The following PHLDB2 variants were observed in gnomAD, a reference collection of about 807,000 sequenced individuals.
PHLDB2 encodes pleckstrin homology like domain family B member 2, also known as pleckstrin homology-like domain family B member 2.
A neutral mutation model predicts 123.6 loss-of-function variants in PHLDB2; 71 were observed. That is an observed-to-expected ratio of 0.57 (90% CI 0.47 to 0.70). PHLDB2 has a LOEUF of 0.70. Among genes scored for constraint, PHLDB2 ranks in the 30% least tolerant of loss-of-function variants. PHLDB2 has a pLI of 0.00. For synonymous variants in PHLDB2, 547 were observed against 541.6 expected (o/e 1.01, Z -0.14); for missense variants, 1,446 against 1,519.5 (o/e 0.95, Z 0.80).
chr3:111,824,734 C>A (rs2062569470), intron 1 of PHLDB2, among the ~76,000 whole-genome samples: 1 of 152,184 alleles, frequency 6.6e-6, no homozygotes, highest in Non-Finnish European at 1.5e-5. Context: ...TGTATAGTTA[C>A]ACGAGTCGAT....
rs117235192 is a variant in PHLDB2 at position 111,968,243 on chromosome 3, T to G, written c.3315+419T>G. On this transcript the variant is annotated intron_variant, in intron 15 of 17. Transcript: ENST00000431670. ...TGGAAGAGGTCCTACTAAGCCATCTTTTACAAGCAAACAGTCTAGAGCAGT... is the reference window on the plus strand; with the variant it reads ...TGGAAGAGGTCCTACTAAGCCATCTGTTACAAGCAAACAGTCTAGAGCAGT... 5.0e-3 allele frequency among the ~76,000 whole-genome samples: 763 copies of G among 152,294 alleles called. 16 individuals are homozygous for G. Among genetic ancestry groups the G allele is most frequent in the East Asian group, 0.028 (146 of 5,188 alleles).
At chr3:111,798,950 C>T (rs564629755) in intron 1 of PHLDB2, among the ~76,000 whole-genome samples, 1 of 152,268 alleles carries the variant, frequency 6.6e-6, no homozygotes, top group East Asian at 1.9e-4. Context: ...TTGATTGACT[C>T]ACAGTTCAGC....
At chr3:111,864,303 A>G (rs964533939) in intron 1 of PHLDB2, among the ~76,000 whole-genome samples, 3 of 152,314 alleles carry the variant, frequency 2.0e-5, no homozygotes, top group Middle Eastern at 3.4e-3. Context: ...TAAAAAAATA[A>G]CTGTTGGCTA....
At chr3:111,970,636 T>C (rs896440038) in intron 16 of PHLDB2, among the ~76,000 whole-genome samples, 1 of 152,202 alleles carries the variant, frequency 6.6e-6, no homozygotes, top group African/African-American at 2.4e-5. Flanking sequence ...GGAATATTAG[T>C]GTAACTGGCA....
chr3:111,837,935 C>G (rs551648905), intron 1 of PHLDB2, among the ~76,000 whole-genome samples: 1 of 151,958 alleles, frequency 6.6e-6, no homozygotes, highest in Non-Finnish European at 1.5e-5. Flanking sequence ...CTCAGCTACT[C>G]GGGAACTGCA....
rs1314606553 is a variant in PHLDB2 at position 111,843,054 on chromosome 3, A to G, written c.-48-2767A>G. ...TTTTGCTATTACAAATAACGACACC[A>G]TGAACATTTACATATGAGTTTTTGT... is the stretch of plus-strand genomic sequence containing the variant. On this transcript the variant is annotated intron_variant, in intron 1 of 17. Coordinates refer to the PHLDB2 transcript ENST00000393923. Among the ~76,000 whole-genome samples, 7 of 152,378 alleles carry G rather than the reference A, an allele frequency of 4.6e-5. No homozygotes were observed. The East Asian group carries it at 1.3e-3, about 29-fold the overall frequency.
chr3:111,960,727 A>G (rs2071354310), intron 12 of PHLDB2, among the ~76,000 whole-genome samples: 2 of 152,224 alleles, frequency 1.3e-5, no homozygotes, highest in South Asian at 4.1e-4. Flanking sequence ...AGGAAATTCA[A>G]ATGGTCCAGT....
chr3:111,902,267 A>G (rs2067246257), intron 2 of PHLDB2, among the ~76,000 whole-genome samples: 1 of 152,220 alleles, frequency 6.6e-6, no homozygotes, highest in South Asian at 2.1e-4. Flanking sequence ...AAATCAAGTT[A>G]TATTACTTAA....
At chr3:111,965,797 G>T (rs1357649285) in intron 13 of PHLDB2, among the ~76,000 whole-genome samples, 1 of 152,168 alleles carries the variant, frequency 6.6e-6, no homozygotes, top group Non-Finnish European at 1.5e-5. Context: ...CAGTCAAATA[G>T]AATGTAAGCG....
chr3:111,767,798 T>C (rs1334956735), intron 1 of PHLDB2, among the ~76,000 whole-genome samples: 1 of 152,226 alleles, frequency 6.6e-6, no homozygotes, highest in African/African-American at 2.4e-5. Flanking sequence ...AAATATGTTT[T>C]GTTGTAGATG....
chr3:111,891,396 A>T (rs1349812621), intron 2 of PHLDB2, among the ~76,000 whole-genome samples: 1 of 151,926 alleles, frequency 6.6e-6, no homozygotes, highest in Non-Finnish European at 1.5e-5. Context: ...CATGAACACT[A>T]TTGTGAACTG....
intron 1 of PHLDB2, among the ~76,000 whole-genome samples, chr3:111,821,779 G>A (rs1337984063): frequency 6.6e-6 from 1 of 152,178 alleles, no homozygotes; most frequent in African/African-American, 2.4e-5. Flanking sequence ...CACAACAGCA[G>A]GTGATGCTAC....
At chr3:111,838,292 C>T (rs989424175) in intron 1 of PHLDB2, among the ~76,000 whole-genome samples, 1 of 152,190 alleles carries the variant, frequency 6.6e-6, no homozygotes, top group African/African-American at 2.4e-5. Flanking sequence ...CCTGCCACCA[C>T]TCCTACCCAG....
chr3:111,839,602 T>C (rs1198253070), intron 1 of PHLDB2, among the ~76,000 whole-genome samples: 1 of 152,258 alleles, frequency 6.6e-6, no homozygotes. Context: ...GGGTAAACTA[T>C]ATCAACTGTA....
intron 1 of PHLDB2, among the ~76,000 whole-genome samples, chr3:111,781,154 T>C (rs937166093): frequency 2.0e-5 from 3 of 152,082 alleles, no homozygotes; most frequent in African/African-American, 7.2e-5. Flanking sequence ...CATGGAGTGA[T>C]GTCATAATCA....
In PHLDB2 at chr3:111,941,016, A is replaced by G. The variant is rs144215506; in HGVS notation, c.2397+371A>G. On this transcript the variant is annotated intron_variant, in intron 8 of 17. Transcript: ENST00000431670. ...CTTAAGGAAAAATGTCCTTTTTACTACTGTCAAATATTTTGGCCCAGCTGA... is the reference window on the plus strand; with the variant it reads ...CTTAAGGAAAAATGTCCTTTTTACTGCTGTCAAATATTTTGGCCCAGCTGA... Among the ~76,000 whole-genome samples the G allele has an allele frequency of 3.0e-3, 454 of 152,344 alleles. 13 individuals carry two copies. Among genetic ancestry groups the G allele is most frequent in the Admixed American group, 0.025 (386 of 15,296 alleles).
chr3:111,845,999 T>C, intron 2 of PHLDB2: 1 of 1,511,086 alleles, frequency 6.6e-7, no homozygotes, highest in Admixed American at 1.8e-5. Flanking sequence ...ATCATACATA[T>C]TGGGAATGAG....
At chr3:111,854,528 G>A (rs2064399155), upstream of PHLDB2, among the ~76,000 whole-genome samples, 1 of 152,188 alleles carries the variant, frequency 6.6e-6, no homozygotes, top group Admixed American at 6.5e-5. Context: ...TAGCTACAAA[G>A]ATTTGTTAGG....
Position 111,884,468 on chromosome 3 carries a change from T to C in PHLDB2, c.391T>C (p.Tyr131His), listed in dbSNP as rs1249823470. The change falls in exon 2 of 18, where the codon TAT becomes CAT. Residue 131 changes from tyrosine (Y) to histidine (H), a missense_variant. Physicochemically the swap from Tyr to His is moderately conservative, Grantham distance 83. Transcript: ENST00000431670. ...ACTTGGAAGAGCAGACTTTGATCATTATACTGGCCGGGACAGTGAAAGGGC... is the reference window on the plus strand; with the variant it reads ...ACTTGGAAGAGCAGACTTTGATCATCATACTGGCCGGGACAGTGAAAGGGC... ...YPLGRADFDH[Y>H]TGRDSERALR... 4 of 1,614,044 alleles carry C rather than the reference T, an allele frequency of 2.5e-6. No homozygotes were observed. Among genetic ancestry groups the C allele is most frequent in the Non-Finnish European group, 3.4e-6 (4 of 1,180,018 alleles).
Sources: gnomAD v4.1 joint callset for allele counts (sites outside exome capture counted in the v4.1 genomes callset) on GRCh38, gnomAD v4.1.1 for gene constraint, MANE v1.5 for transcripts, NCBI Gene and HGNC (gene_info 2026-07-23, HGNC 2026-07-21) for gene names.